The following TG variants were observed in gnomAD, a reference collection of about 807,000 sequenced individuals.
TG encodes the protein thyroglobulin.
In TG, 270 loss-of-function variants were observed where a neutral mutation model predicts 324.7. The ratio of observed to expected loss-of-function variants is 0.83; its 90% CI spans 0.75 to 0.92. TG has a LOEUF of 0.92. Among genes scored for constraint, TG ranks in the 40% least tolerant of loss-of-function variants. The pLI is 0.00. For missense variants in TG, 3,591 were observed against 3,456.4 expected (o/e 1.04, Z -0.98); for synonymous variants, 1,401 against 1,327.0 (o/e 1.06, Z -1.21).
At chr8:133,075,777 T>C (rs1031651165) in intron 41 of TG, among the ~76,000 whole-genome samples, 1 of 151,940 alleles carries the variant, frequency 6.6e-6, no homozygotes, top group Admixed American at 6.6e-5. Context: ...TACATCTACA[T>C]CTATATATCA....
chr8:133,128,412 G>C (rs1467084344), intron 45 of TG, among the ~76,000 whole-genome samples: 1 of 150,984 alleles, frequency 6.6e-6, no homozygotes, highest in Non-Finnish European at 1.5e-5. Context: ...TGGCTGGTCA[G>C]TTCTTTCTAC....
At chr8:132,948,177 C>A (rs370459964) in intron 26 of TG, among the ~76,000 whole-genome samples, 3,714 of 106,388 alleles carry the variant, frequency 0.035, 149 homozygotes, top group African/African-American at 0.098. Flanking sequence ...TTTCTTACTC[C>A]GTCCCCCCCC....
At chr8:132,953,683 G>A (rs1387699700) in intron 27 of TG, among the ~76,000 whole-genome samples, 1 of 152,140 alleles carries the variant, frequency 6.6e-6, no homozygotes, top group Non-Finnish European at 1.5e-5. Context: ...TTGCTGTGAG[G>A]TTTCTCTTTC....
chr8:133,029,681 A>G, intron 40 of TG, 140 bp from the exon 41 acceptor site: 3 of 991,206 alleles, frequency 3.0e-6, no homozygotes, highest in Non-Finnish European at 4.7e-6. Context: ...TGTATTTGGA[A>G]CCCACAGTCT....
intron 43 of TG, among the ~76,000 whole-genome samples, chr8:133,105,545 A>ATGGATGACGAAGATAAATTGTGCCTAGGT (rs1432616180): frequency 1.3e-5 from 2 of 152,192 alleles, no homozygotes; most frequent in African/African-American, 4.8e-5. Flanking sequence ...AAGAACACAT[A>ATGGATGACGAAGATAAATTGTGCCTAGGT]TGGATGACGA....
rs913827696 is a variant in TG, at chr8:133,056,433, G to A, written c.7239+26410G>A. Among the ~76,000 whole-genome samples the A allele has an allele frequency of 7.9e-5, 12 of 152,130 alleles. No individual in the cohort carries two copies. In the East Asian group the frequency reaches 1.4e-3, roughly 17 times the overall value. On this transcript the variant is annotated intron_variant, in intron 41 of 47. Coordinates refer to ENST00000220616, the MANE Select transcript of TG (RefSeq NM_003235.5). ...ATCATCTGGGTCATTAAATCTGGGGGCCAGGCACATTCTCATTCATTCGAG... is the reference window on the plus strand; with the variant it reads ...ATCATCTGGGTCATTAAATCTGGGGACCAGGCACATTCTCATTCATTCGAG...
intron 20 of TG, among the ~76,000 whole-genome samples, chr8:132,918,175 G>A (rs1476675502): frequency 2.6e-5 from 4 of 152,098 alleles, no homozygotes; most frequent in African/African-American, 7.2e-5. Context: ...AACAGCGTGT[G>A]CATTCCCTGA....
chr8:133,133,387 C>T (rs1033690996), intron 46 of TG, 83 bp from the exon 47 acceptor site: 23 of 1,345,510 alleles, frequency 1.7e-5, no homozygotes, highest in African/African-American at 1.3e-4. Context: ...CCTCAGATAC[C>T]GAGTGCAAGT....
intron 10 of TG, among the ~76,000 whole-genome samples, chr8:132,891,081 T>C (rs1357351781): frequency 6.6e-6 from 1 of 152,008 alleles, no homozygotes; most frequent in Non-Finnish European, 1.5e-5. Flanking sequence ...ACGTGGAAAA[T>C]GCGGTGGAGG....
intron 18 of TG, among the ~76,000 whole-genome samples, chr8:132,910,339 A>G (rs1456900199): frequency 6.6e-6 from 1 of 152,182 alleles, no homozygotes; most frequent in Non-Finnish European, 1.5e-5. Flanking sequence ...TGAATTACTC[A>G]TTGGTGACAG....
At chr8:133,038,644 C>T (rs1420924716) in intron 41 of TG, 2 of 1,613,912 alleles carry the variant, frequency 1.2e-6, no homozygotes, top group South Asian at 2.2e-5. Context: ...TGGTCAGGGA[C>T]AGGTAAGAGG....
At chr8:133,050,135 G>A (rs543196000) in intron 41 of TG, 26 of 666,314 alleles carry the variant, frequency 3.9e-5, no homozygotes, top group South Asian at 1.8e-4. Flanking sequence ...CCCATATTTC[G>A]TCATCTGAAA....
chr8:133,075,330 T>G (rs1844695277), intron 41 of TG, among the ~76,000 whole-genome samples: 1 of 152,202 alleles, frequency 6.6e-6, no homozygotes, highest in African/African-American at 2.4e-5. Flanking sequence ...GCAGCTTCTC[T>G]GATTTCGGTT....
At chr8:132,909,037 T>A (rs948190474) in intron 18 of TG, among the ~76,000 whole-genome samples, 1 of 152,164 alleles carries the variant, frequency 6.6e-6, no homozygotes, top group African/African-American at 2.4e-5. Flanking sequence ...GGTGTGCATG[T>A]TGGAAATGGC....
chr8:132,882,868 A>G lies in TG; in HGVS notation c.944A>G (p.Tyr315Cys), dbSNP rs767347235. ...RFTATSFGHP[Y>C]VPSCRRNGDY... ...ACAGCAACCAGCTTTGGTCACCCCT[A>G]TGTTCCAAGCTGCCGCCGAAATGGC... Residue 315 changes from tyrosine to cysteine, a missense_variant, in exon 8 of 48, where the codon TAT (tyrosine) becomes TGT (cysteine). Tyr to Cys is a radical substitution (Grantham distance 194). Coordinates refer to ENST00000220616, the MANE Select transcript of TG (RefSeq NM_003235.5). The G allele has an allele frequency of 1.2e-5, 19 of 1,614,062 alleles. No individual in the cohort carries two copies. In the Admixed American group the frequency reaches 2.0e-4, roughly 17 times the overall value.
chr8:132,885,478 T>C (rs1258702155), intron 8 of TG, among the ~76,000 whole-genome samples: 2 of 151,910 alleles, frequency 1.3e-5, no homozygotes, highest in Non-Finnish European at 2.9e-5. Flanking sequence ...AAATATTTCT[T>C]ATAATAGGAA....
Position 132,982,805 on chromosome 8 carries a change from C to T in TG, c.6200-545C>T, listed in dbSNP as rs551903300. Reference sequence around the variant, plus strand: ...GAAAGCATAAGTGCCTTGCCCAGTTCACAGAGTCAGTAAGTGATAGTGGCT... The same window carrying T: ...GAAAGCATAAGTGCCTTGCCCAGTTTACAGAGTCAGTAAGTGATAGTGGCT... On this transcript the variant is annotated intron_variant, in intron 34 of 47. Transcript: ENST00000220616. 2.0e-5 allele frequency among the ~76,000 whole-genome samples: 3 copies of T among 152,272 alleles called. 1 individual carries two copies. The South Asian group carries it at 6.2e-4, about 32-fold the overall frequency.
intron 43 of TG, among the ~76,000 whole-genome samples, chr8:133,099,226 AT>A (rs1848884450): frequency 6.6e-6 from 1 of 152,218 alleles, no homozygotes; most frequent in Non-Finnish European, 1.5e-5. Context: ...CCAGACACCA[AT>A]CACAGGGCAG....
chr8:133,126,512 T>A (rs1851530427), intron 45 of TG, among the ~76,000 whole-genome samples: 1 of 144,578 alleles, frequency 6.9e-6, no homozygotes, highest in African/African-American at 2.6e-5. Context: ...TGAAACAATA[T>A]ATCATACAGC....
Sources: allele counts gnomAD v4.1 joint callset (sites outside exome capture counted in the v4.1 genomes callset), GRCh38; gene constraint gnomAD v4.1.1; transcripts MANE v1.5; gene names NCBI Gene and HGNC (gene_info 2026-07-23, HGNC 2026-07-21).